RERG: variants seen among roughly 807,000 people sequenced by gnomAD.
The protein encoded by RERG is RAS like estrogen regulated growth inhibitor.
RERG carries 25 observed loss-of-function variants against 23.2 expected under a neutral mutation model. The observed-to-expected ratio is 1.08, with a 90% confidence interval of 0.79 to 1.50. The LOEUF is 1.50. Among genes scored for constraint, RERG ranks in the 40% most tolerant of loss-of-function variants. The pLI is 0.00. For synonymous variants in RERG, 81 were observed against 89.1 expected (o/e 0.91, Z 0.51); for missense variants, 253 against 250.1 (o/e 1.01, Z -0.08).
chr12:15,198,968 T>C (rs919726562), intron 2 of RERG, among the ~76,000 whole-genome samples: 1 of 152,154 alleles, frequency 6.6e-6, no homozygotes, highest in African/African-American at 2.4e-5. Context: ...AAGTCCCTCT[T>C]GCCATGTAAA....
At chr12:15,161,193 A>AGAAAGAAG (rs1864605852) in intron 2 of RERG, among the ~76,000 whole-genome samples, 1 of 150,448 alleles carries the variant, frequency 6.6e-6, no homozygotes, top group Non-Finnish European at 1.5e-5. Context: ...AAAGAAAGAA[A>AGAAAGAAG]GAAAGAAAGA....
At chr12:15,180,226 G>T (rs1008486593) in intron 2 of RERG, among the ~76,000 whole-genome samples, 1 of 152,174 alleles carries the variant, frequency 6.6e-6, no homozygotes, top group Non-Finnish European at 1.5e-5. Context: ...GCTGACATAT[G>T]TAGTGAACAA....
chr12:15,111,841 A>G (rs1863624369), intron 3 of RERG, among the ~76,000 whole-genome samples: 1 of 151,890 alleles, frequency 6.6e-6, no homozygotes, highest in African/African-American at 2.4e-5. Flanking sequence ...ACACCCAGCT[A>G]ATTTTTGTAT....
intron 2 of RERG, among the ~76,000 whole-genome samples, chr12:15,176,359 C>T (rs906427611): frequency 3.9e-5 from 6 of 152,100 alleles, no homozygotes; most frequent in Non-Finnish European, 8.8e-5. Flanking sequence ...CATATTTCCT[C>T]GTGTTATATA....
At chr12:15,159,246 A>C (rs982842130) in intron 2 of RERG, among the ~76,000 whole-genome samples, 1 of 152,152 alleles carries the variant, frequency 6.6e-6, no homozygotes, top group Non-Finnish European at 1.5e-5. Context: ...GTCACCAGGG[A>C]GAGTCCTTTC....
rs35860336 is a variant in RERG at position 15,187,280 on chromosome 12, C to T, written c.61+30149G>A. 7.2e-3 allele frequency among the ~76,000 whole-genome samples: 1,102 copies of T among 152,140 alleles called. 6 individuals are homozygous for T. The highest frequency in any genetic ancestry group is 0.021 in the Middle Eastern group (6 of 292). On this transcript the variant is annotated intron_variant, in intron 2 of 4. Coordinates refer to ENST00000256953, the MANE Select transcript of RERG (RefSeq NM_032918.3). ...ACACTACTCTTGTTGGAAAGCAAAG[C>T]TTAAAATGTGCCCAAGAGTAAATGC...
chr12:15,161,225 A>AGAAAGAAG (rs1864610188), intron 2 of RERG, among the ~76,000 whole-genome samples: 4 of 125,078 alleles, frequency 3.2e-5, no homozygotes, highest in Admixed American at 9.2e-5. Flanking sequence ...AAAGAAAGAA[A>AGAAAGAAG]GAAACAGGGG....
chr12:15,148,399 C>CG (rs1555123894), intron 2 of RERG, among the ~76,000 whole-genome samples: 10 of 151,972 alleles, frequency 6.6e-5, no homozygotes, highest in Non-Finnish European at 1.0e-4. Flanking sequence ...GGTAGAAATG[C>CG]GGGGGGGAAA....
rs889330868 is a variant in RERG, at chr12:15,108,544, A to T, written c.*566T>A. ...CTCAAATTGAAATGAATTCTCTGTTATAGTGAAAAACATTAGTGAGAAGAT... is the reference window on the plus strand; with the variant it reads ...CTCAAATTGAAATGAATTCTCTGTTTTAGTGAAAAACATTAGTGAGAAGAT... On this transcript the variant is annotated 3_prime_UTR_variant, in exon 5 of 5. Coordinates refer to ENST00000256953, the MANE Select transcript of RERG (RefSeq NM_032918.3). 5 of 152,676 alleles carry T rather than the reference A, an allele frequency of 3.3e-5. No homozygotes were observed. Among genetic ancestry groups the T allele is most frequent in the Non-Finnish European group, 4.4e-5 (3 of 68,058 alleles). The allele number at this position is 152,676 out of a possible 1,614,324, so 9.5% of individuals were successfully genotyped here. A position where few individuals can be genotyped will look rare whatever the true frequency, so the allele number is the denominator to read the frequency against.
intron 2 of RERG, among the ~76,000 whole-genome samples, chr12:15,169,965 TG>T (rs1864754894): frequency 6.8e-6 from 1 of 146,900 alleles, no homozygotes; most frequent in Non-Finnish European, 1.5e-5. Context: ...TGTGTGTGTG[TG>T]TAACATCAGG....
intron 2 of RERG, among the ~76,000 whole-genome samples, chr12:15,194,904 T>C (rs1372328370): frequency 6.6e-6 from 1 of 152,124 alleles, no homozygotes; most frequent in Non-Finnish European, 1.5e-5. Flanking sequence ...ATTTCCAGGC[T>C]GCCAGATGGC....
At chr12:15,195,818 T>C (rs1865136947) in intron 2 of RERG, among the ~76,000 whole-genome samples, 1 of 152,080 alleles carries the variant, frequency 6.6e-6, no homozygotes, top group Non-Finnish European at 1.5e-5. Flanking sequence ...ACAGCTTTGG[T>C]TCTCATCCTG....
At chr12:15,177,839 G>GTTTTTTTTTTTTTTTT (rs11304470) in intron 2 of RERG, among the ~76,000 whole-genome samples, 1 of 112,960 alleles carries the variant, frequency 8.9e-6, no homozygotes, top group African/African-American at 3.1e-5. Flanking sequence ...CCCTCTGTTT[G>GTTTTTTTTTTTTTTTT]TTTTTTTTTT....
At chr12:15,181,340 A>G (rs903554633) in intron 2 of RERG, among the ~76,000 whole-genome samples, 1 of 152,254 alleles carries the variant, frequency 6.6e-6, no homozygotes, top group Non-Finnish European at 1.5e-5. Flanking sequence ...ATTCCATATC[A>G]ATTCAGAAAC....
chr12:15,166,516 GGTGGTGATGGTGGTGGTGGTGGTGGTA>G (rs1472047932), intron 2 of RERG, among the ~76,000 whole-genome samples: 3 of 151,240 alleles, frequency 2.0e-5, no homozygotes, highest in Admixed American at 6.7e-5. Context: ...TGGTGGTGAT[GGTGGTGATGGTGGTGGTGGTGGTGGTA>G]GTGGTGTTGG....
chr12:15,161,831 A>C (rs1864620139), intron 2 of RERG, among the ~76,000 whole-genome samples: 1 of 152,216 alleles, frequency 6.6e-6, no homozygotes. Context: ...CACTGTTCTA[A>C]GTATTTTGCA....
intron 2 of RERG, among the ~76,000 whole-genome samples, chr12:15,138,891 A>G (rs1339880329): frequency 1.3e-5 from 2 of 151,756 alleles, no homozygotes; most frequent in Non-Finnish European, 2.9e-5. Flanking sequence ...TCTTCATGAA[A>G]CTGAAGCTTA....
At chr12:15,162,141 A>G (rs1006727679) in intron 2 of RERG, among the ~76,000 whole-genome samples, 7 of 152,230 alleles carry the variant, frequency 4.6e-5, no homozygotes, top group Admixed American at 2.0e-4. Flanking sequence ...ATTTCAGAAT[A>G]CTTACACAGA....
intron 2 of RERG, among the ~76,000 whole-genome samples, chr12:15,133,146 G>GATTAT (rs1555121896): frequency 7.2e-5 from 9 of 125,214 alleles, no homozygotes; most frequent in African/African-American, 2.6e-4. Flanking sequence ...ATCCTGTGGA[G>GATTAT]ATATATATAT....
Sources: gnomAD v4.1 joint callset for allele counts (sites outside exome capture counted in the v4.1 genomes callset) on GRCh38, gnomAD v4.1.1 for gene constraint, MANE v1.5 for transcripts, NCBI Gene and HGNC (gene_info 2026-07-23, HGNC 2026-07-21) for gene names.